Variants in ADGRV1 observed in about 807,000 individuals in gnomAD.
ADGRV1 encodes G-protein coupled receptor 98.
A neutral mutation model predicts 596.2 loss-of-function variants in ADGRV1; 359 were observed. The observed-to-expected ratio is 0.60, with a 90% CI of 0.55 to 0.66. ADGRV1 has a LOEUF of 0.66. Ranked by LOEUF, ADGRV1 falls within the 30% of genes least tolerant of loss-of-function variation. ADGRV1 has a pLI of 0.00. For synonymous variants in ADGRV1, 2,681 were observed against 2,679.2 expected (o/e 1.00, Z -0.02); for missense variants, 7,274 against 7,575.6 (o/e 0.96, Z 1.48).
intron 77 of ADGRV1, among the ~76,000 whole-genome samples, chr5:90,838,448 G>A (rs1166507674): frequency 6.6e-6 from 1 of 151,964 alleles, no homozygotes; most frequent in Admixed American, 6.6e-5. Flanking sequence ...ATATAGAACT[G>A]TTTATTAAAT....
At chr5:90,754,617 G>A (rs529419322) in intron 54 of ADGRV1, among the ~76,000 whole-genome samples, 1 of 152,094 alleles carries the variant, frequency 6.6e-6, no homozygotes, top group Non-Finnish European at 1.5e-5. Flanking sequence ...ATTTTTTGAA[G>A]AATCTTTTGA....
intron 52 of ADGRV1, among the ~76,000 whole-genome samples, chr5:90,748,934 A>T (rs1295519764): frequency 1.3e-5 from 2 of 151,694 alleles, no homozygotes; most frequent in Non-Finnish European, 2.9e-5. Flanking sequence ...CTTAGGATGA[A>T]CCTGTCATTC....
chr5:91,126,419 A>T (rs548526161), intron 87 of ADGRV1, among the ~76,000 whole-genome samples: 2 of 152,218 alleles, frequency 1.3e-5, no homozygotes, highest in African/African-American at 4.8e-5. Flanking sequence ...TCCTAAGACT[A>T]TGGTAAAAGC....
intron 21 of ADGRV1, among the ~76,000 whole-genome samples, chr5:90,666,506 G>T (rs1318646189): frequency 6.7e-6 from 1 of 149,440 alleles, no homozygotes; most frequent in Non-Finnish European, 1.5e-5. Flanking sequence ...GCCTATGTGT[G>T]TCTCTGCACG....
At position 90,675,239 on chromosome 5, in the gene ADGRV1, C is replaced by T. The variant is rs775407663; in HGVS notation, c.5111-4C>T. The T allele has an allele frequency of 2.5e-6, 4 of 1,612,226 alleles. No individual in the cohort carries two copies. The highest frequency in any genetic ancestry group is 3.4e-6 in the Non-Finnish European group (4 of 1,179,318). On this transcript the variant is annotated splice_polypyrimidine_tract_variant and splice_region_variant and intron_variant, in intron 23 of 89. Transcript: ENST00000405460. ...CAATGCCCTGGCCCCTTTGTCTCCA[C>T]TAGGCTTGCTGCAGTTCTCCACAGG...
At chr5:90,627,136 G>A in intron 6 of ADGRV1, 75 bp from the exon 7 acceptor site, 1 of 767,110 alleles carries the variant, frequency 1.3e-6, no homozygotes, top group Non-Finnish European at 2.0e-6. Flanking sequence ...GAAACATAAT[G>A]ACTTGTTACA....
Position 90,861,216 on chromosome 5 carries a change from G to A in ADGRV1, c.17756-2541G>A, listed in dbSNP as rs991826096. On this transcript the variant is annotated intron_variant, in intron 82 of 89. Coordinates refer to ENST00000405460, the MANE Select transcript of ADGRV1 (RefSeq NM_032119.4). ...TATCTACATCATTGCCAAGAAATCT[G>A]TTTTTTAAAAAAACTGTTCAGAGTA... is the stretch of plus-strand genomic sequence containing the variant. 1.3e-4 allele frequency among the ~76,000 whole-genome samples: 19 copies of A among 151,928 alleles called. No individual in the cohort carries two copies. In the East Asian group the frequency reaches 3.7e-3, roughly 29 times the overall value.
chr5:90,600,334 G>A (rs540454393), intron 1 of ADGRV1, among the ~76,000 whole-genome samples: 37 of 152,066 alleles, frequency 2.4e-4, no homozygotes, highest in Non-Finnish European at 5.1e-4. Context: ...GCCTTGGGGT[G>A]TGATATTCCC....
chr5:90,714,300 G>A (rs1431546683), intron 42 of ADGRV1, among the ~76,000 whole-genome samples: 4 of 150,184 alleles, frequency 2.7e-5, no homozygotes, highest in Admixed American at 6.6e-5. Context: ...TTGTGATCCT[G>A]TTTTTCGTAT....
intron 84 of ADGRV1, among the ~76,000 whole-genome samples, chr5:90,978,872 C>T (rs1228271002): frequency 1.3e-5 from 2 of 152,084 alleles, no homozygotes; most frequent in Non-Finnish European, 2.9e-5. Context: ...AAATTGTGTA[C>T]ATCTTCATTT....
At chr5:90,760,689 T>C (rs891809621) in intron 58 of ADGRV1, among the ~76,000 whole-genome samples, 22 of 152,184 alleles carry the variant, frequency 1.4e-4, no homozygotes, top group Admixed American at 3.9e-4. Context: ...TGTATTTCTC[T>C]ATATTTCTTC....
Position 90,704,423 on chromosome 5 carries a change from T to C in ADGRV1, c.8321T>C (p.Leu2774Ser). ...AATACAACATTGTTTGTGCATTTGTTGGATGACAACATTCCTGAGGAGAAA... is the reference window on the plus strand; with the variant it reads ...AATACAACATTGTTTGTGCATTTGTCGGATGACAACATTCCTGAGGAGAAA... ...SLNTTLFVHL[L>S]DDNIPEEKEV... is the part of the protein sequence containing the mutation. The change falls in exon 36 of 90, where the codon TTG becomes TCG. Residue 2774 changes from leucine to serine, a missense_variant. Leu to Ser is a moderately radical substitution (Grantham distance 145). Around this residue, in one of 5 missense-constraint regions of ADGRV1, gnomAD observed 3,643 missense variants for 3,809.2 expected, o/e 0.96. Transcript: ENST00000405460. 6.3e-7 allele frequency: 1 copy of C among 1,583,164 alleles called. No individual in the cohort carries two copies. Among genetic ancestry groups the C allele is most frequent in the East Asian group, 2.3e-5 (1 of 43,852 alleles).
chr5:90,847,642 C>T (rs1361526290), intron 78 of ADGRV1, among the ~76,000 whole-genome samples: 1 of 152,194 alleles, frequency 6.6e-6, no homozygotes, highest in African/African-American at 2.4e-5. Context: ...TGGTGGGCTG[C>T]AGGTCCCGAG....
chr5:90,820,416 A>T (rs545481690), intron 75 of ADGRV1, among the ~76,000 whole-genome samples: 22 of 150,298 alleles, frequency 1.5e-4, no homozygotes, highest in Admixed American at 1.5e-3. Flanking sequence ...GTCCATTTAC[A>T]TTTAAAGTTA....
Position 90,811,452 on chromosome 5 carries a change from G to T in ADGRV1, c.16078+114G>T. On this transcript the variant is annotated intron_variant, in intron 74 of 89. Transcript: ENST00000405460. ...AGGTGAAGTTCTTAAGTTATTCATA[G>T]GAATGCATTAAAGTGTTGTTTTTCT... 5.0e-6 allele frequency: 5 copies of T among 1,001,138 alleles called. No homozygotes were observed. In the East Asian group the frequency reaches 1.3e-4, roughly 26 times the overall value. The allele number at this position is 1,001,138 out of a possible 1,614,324, so 62.0% of individuals were successfully genotyped here.
chr5:90,947,907 T>G (rs975767312), intron 83 of ADGRV1, among the ~76,000 whole-genome samples: 2 of 152,102 alleles, frequency 1.3e-5, no homozygotes, highest in African/African-American at 4.8e-5. Flanking sequence ...AAAATGCAGA[T>G]GAGTTTTAAA....
At chr5:90,946,214 C>T (rs1776564368) in intron 83 of ADGRV1, among the ~76,000 whole-genome samples, 1 of 151,944 alleles carries the variant, frequency 6.6e-6, no homozygotes. Context: ...GAAGGGACCG[C>T]AGTGCCGCAG....
rs78397363 is a variant in ADGRV1, at chr5:91,034,983, G to T, written c.18153-37464G>T. Reference sequence around the variant, plus strand: ...GACAGGGTCTTACTCTTTTGACCAGGCTATTCTCCAACTCCTGGCCTCAAG... The same window carrying T: ...GACAGGGTCTTACTCTTTTGACCAGTCTATTCTCCAACTCCTGGCCTCAAG... On this transcript the variant is annotated intron_variant, in intron 85 of 89. Coordinates refer to ENST00000405460, the MANE Select transcript of ADGRV1 (RefSeq NM_032119.4). 2.8e-4 allele frequency among the ~76,000 whole-genome samples: 42 copies of T among 152,112 alleles called. 1 individual carries two copies. In the East Asian group the frequency reaches 6.6e-3, roughly 24 times the overall value.
At chr5:90,922,252 TC>T (rs2150744092) in intron 83 of ADGRV1, among the ~76,000 whole-genome samples, 2 of 152,330 alleles carry the variant, frequency 1.3e-5, no homozygotes, top group South Asian at 4.1e-4. Flanking sequence ...CCAATCCATC[TC>T]CTATGTTAAT....
Sources: gnomAD v4.1 joint callset for allele counts (sites outside exome capture counted in the v4.1 genomes callset) on GRCh38, gnomAD v4.1.1 for gene constraint, gnomAD v4.1.1 regional missense constraint, MANE v1.5 for transcripts, NCBI Gene and HGNC (gene_info 2026-07-23, HGNC 2026-07-21) for gene names.